ZNF559: variants seen among roughly 807,000 people sequenced by gnomAD.
ZNF559 encodes putative protein product of Nbla00121.
A neutral mutation model predicts 14.2 loss-of-function variants in ZNF559; 17 were observed. That is an observed-to-expected ratio of 1.20 (90% confidence interval 0.82 to 1.80). The LOEUF (loss-of-function observed/expected upper bound fraction) is 1.80. ZNF559 is among the 40% of genes most tolerant of loss of function. The pLI is 0.00. For missense variants in ZNF559, 740 were observed against 629.7 expected (o/e 1.18, Z -1.88); for synonymous variants, 244 against 212.4 (o/e 1.15, Z -1.29).
At position 9,344,742 on chromosome 19, in the gene ZNF559, A is replaced by G. The variant is rs1183238357; in HGVS notation, c.*1674A>G. On this transcript the variant is annotated 3_prime_UTR_variant, in exon 7 of 7. Coordinates refer to ENST00000603380, the MANE Select transcript of ZNF559 (RefSeq NM_032497.3). ...TCTTTAAAGACTAATGATATTGAAC[A>G]TCACTTTCATATGCTTATGAGTCTT... The G allele has an allele frequency of 6.6e-6, 1 of 152,222 alleles. No homozygotes were observed. Among genetic ancestry groups the G allele is most frequent in the Middle Eastern group, 3.2e-3 (1 of 316 alleles). 9.4% of individuals were successfully genotyped at this position (152,222 alleles called of 1,614,324 possible). A position where few individuals can be genotyped will look rare whatever the true frequency, so the allele number is the denominator to read the frequency against.
chr19:9,340,108 T>G, intron 5 of ZNF559, among the ~76,000 whole-genome samples: 1 of 151,994 alleles, frequency 6.6e-6, no homozygotes, highest in Non-Finnish European at 1.5e-5. Context: ...TCTAACATCA[T>G]TCATCTTTCC....
At chr19:9,324,629 C>CA (rs57134914) in intron 1 of ZNF559, 66 bp from the exon 2 acceptor site, 1 of 863,184 alleles carries the variant, frequency 1.2e-6, no homozygotes, top group Non-Finnish European at 1.7e-6. Context: ...CCCCCCCCCC[C>CA]AACCATCTCT....
At chr19:9,341,295 T>C in intron 6 of ZNF559, 111 bp downstream of exon 6, 3 of 1,065,862 alleles carry the variant, frequency 2.8e-6, no homozygotes, top group Non-Finnish European at 4.3e-6. Flanking sequence ...CTAGTGTTTT[T>C]CACCCAAAAA....
upstream of ZNF559, chr19:9,324,173 G>A: frequency 1.3e-6 from 2 of 1,536,032 alleles, no homozygotes; most frequent in Non-Finnish European, 1.7e-6. Context: ...GTGTCTGCGT[G>A]GGCGCATGCG....
chr19:9,341,373 A>G, intron 6 of ZNF559, 189 bp downstream of exon 6: 2 of 757,368 alleles, frequency 2.6e-6, no homozygotes, highest in Non-Finnish European at 4.7e-6. Context: ...CTCAGAATAT[A>G]TTTGTTTACA....
intron 2 of ZNF559, among the ~76,000 whole-genome samples, chr19:9,328,546 T>A (rs906149437): frequency 6.6e-6 from 1 of 151,928 alleles, no homozygotes; most frequent in Admixed American, 6.6e-5. Context: ...AGAGACGAGC[T>A]TTCATCATGT....
At position 9,324,728 on chromosome 19, in the gene ZNF559, C is replaced by T. The variant is rs2066484096; in HGVS notation, c.-172C>T. On this transcript the variant is annotated 5_prime_UTR_variant, in exon 2 of 7. Transcript: ENST00000603380. ...TCTCTGCCTTCCTGTTCACGGTGAC[C>T]TTCGCTTGGTGTCCTCCTGGCCTCA... 3.3e-6 allele frequency: 5 copies of T among 1,535,786 alleles called. No individual in the cohort carries two copies. Among genetic ancestry groups the T allele is most frequent in the East Asian group, 2.4e-5 (1 of 40,888 alleles).
Position 9,343,027 on chromosome 19 carries a change from C to T in ZNF559, c.1576C>T (p.Gln526Ter). The change falls in exon 7 of 7, where the codon CAA (glutamine) becomes TAA (stop). Residue 526 changes from glutamine to a stop codon, truncating the protein, a stop_gained. Transcript: ENST00000603380. LOFTEE classifies it low-confidence loss of function (END_TRUNC). Reference sequence around the variant, plus strand: ...GGAGAAACCATATAAGGAATGTGGGCAAACCTTTAGTAATTCCTCATGCCT... The same window carrying T: ...GGAGAAACCATATAAGGAATGTGGGTAAACCTTTAGTAATTCCTCATGCCT... ...SVEKPYKECG[Q>*]TFSNSSCLTE... The T allele has an allele frequency of 1.2e-6, 2 of 1,613,676 alleles. No homozygotes were observed. Among genetic ancestry groups the T allele is most frequent in the South Asian group, 1.1e-5 (1 of 91,042 alleles).
At position 9,345,475 on chromosome 19, in the gene ZNF559, TTTTTA is replaced by T. The variant is rs1175050939; in HGVS notation, c.*2412_*2416del. ...TGCCAATTATTGGTATGGTCAGTCTTTTTTATTTTGACCATTTTAATAGGTGTGTA... is the reference window on the plus strand; with the variant it reads ...TGCCAATTATTGGTATGGTCAGTCTTTTTTGACCATTTTAATAGGTGTGTA... On this transcript the variant is annotated 3_prime_UTR_variant, in exon 7 of 7. Transcript: ENST00000603380. The T allele has an allele frequency of 6.6e-6, 1 of 152,124 alleles. No homozygotes were observed. The highest frequency in any genetic ancestry group is 1.5e-5 in the Non-Finnish European group (1 of 68,008). 9.4% of individuals were successfully genotyped at this position (152,124 alleles called of 1,614,324 possible).
At chr19:9,336,592 C>G (rs1568363597) in intron 2 of ZNF559, among the ~76,000 whole-genome samples, 1 of 150,630 alleles carries the variant, frequency 6.6e-6, no homozygotes, top group Non-Finnish European at 1.5e-5. Context: ...GAGACTCCAT[C>G]TCAAAAAAAA....
chr19:9,338,012 T>G, intron 3 of ZNF559, 154 bp downstream of exon 3: 1 of 1,535,944 alleles, frequency 6.5e-7, no homozygotes, highest in African/African-American at 1.4e-5. Flanking sequence ...GGTCTTTCCC[T>G]TTGTGGTAAG....
Position 9,342,618 on chromosome 19 carries a change from CTTTA to C in ZNF559, c.1170_1173del (p.Phe390LeufsTer16), listed in dbSNP as rs1568369342. ...ATCAATGTAAGGAATGTGGAAAAGC[CTTTA>C]TTAATTCCTCTTCCTTTAAAAGTCA... On this transcript the variant is annotated frameshift_variant, in exon 7 of 7. Transcript: ENST00000603380. LOFTEE classifies it low-confidence loss of function (END_TRUNC). 1 of 1,614,056 alleles carries C rather than the reference CTTTA, an allele frequency of 6.2e-7. No individual in the cohort carries two copies. Among genetic ancestry groups the C allele is most frequent in the East Asian group, 2.2e-5 (1 of 44,858 alleles).
At chr19:9,328,526 G>A (rs1229396368) in intron 2 of ZNF559, among the ~76,000 whole-genome samples, 1 of 151,574 alleles carries the variant, frequency 6.6e-6, no homozygotes, top group Non-Finnish European at 1.5e-5. Context: ...ACTAATTTCT[G>A]TATTTTAGTA....
rs767482543 is a variant in ZNF559 at position 9,338,468 on chromosome 19, C to T, written c.-56-26C>T. On this transcript the variant is annotated intron_variant, in intron 3 of 6. Coordinates refer to ENST00000603380, the MANE Select transcript of ZNF559 (RefSeq NM_032497.3). ...ATGGAAGCTATCAGCAGCCTGGATT[C>T]TCAGATTTTATTTCTTCTTCTTAAG... 5 of 1,582,516 alleles carry T rather than the reference C, an allele frequency of 3.2e-6. No homozygotes were observed. The South Asian group carries it at 4.4e-5, about 14-fold the overall frequency.
intron 3 of ZNF559, 161 bp downstream of exon 3, chr19:9,338,019 T>C (rs1331206569): frequency 6.5e-7 from 1 of 1,535,570 alleles, no homozygotes; most frequent in Admixed American, 2.0e-5. Context: ...CCCTTTGTGG[T>C]AAGTCCGTAT....
At chr19:9,339,828 G>A (rs898560875) in intron 5 of ZNF559, among the ~76,000 whole-genome samples, 1 of 149,496 alleles carries the variant, frequency 6.7e-6, no homozygotes, top group African/African-American at 2.5e-5. Flanking sequence ...GAGTGCAGTG[G>A]CGTGATCTTG....
intron 2 of ZNF559, among the ~76,000 whole-genome samples, chr19:9,333,451 C>G (rs1201989888): frequency 6.6e-6 from 1 of 152,012 alleles, no homozygotes; most frequent in Non-Finnish European, 1.5e-5. Context: ...ACCTGTAATC[C>G]CAGCACTTGG....
chr19:9,324,081 T>C (rs2066428329), upstream of ZNF559: 3 of 1,403,554 alleles, frequency 2.1e-6, no homozygotes, highest in African/African-American at 4.3e-5. Flanking sequence ...AGCTCTGGGT[T>C]GGAAAAAGCC....
chr19:9,338,545 A>G lies in ZNF559; in HGVS notation c.-5A>G. 2 of 1,614,048 alleles carry G rather than the reference A, an allele frequency of 1.2e-6. No individual in the cohort carries two copies. Among genetic ancestry groups the G allele is most frequent in the Non-Finnish European group, 1.7e-6 (2 of 1,179,944 alleles). On this transcript the variant is annotated 5_prime_UTR_variant, in exon 4 of 7. Coordinates refer to ENST00000603380, the MANE Select transcript of ZNF559 (RefSeq NM_032497.3). ...CTTCATGAGTCAAAATTTGAAGAGG[A>G]AAGGATGGTGGCTGGGTGGTTGACA...
Sources: allele counts gnomAD v4.1 joint callset (sites outside exome capture counted in the v4.1 genomes callset), GRCh38; gene constraint gnomAD v4.1.1; transcripts MANE v1.5; gene names NCBI Gene and HGNC (gene_info 2026-07-23, HGNC 2026-07-21).